The following TPO variants were observed in gnomAD, a reference collection of about 807,000 sequenced individuals.
TPO encodes thyroid microsomal antigen.
Under a neutral mutation model 96.9 loss-of-function variants are expected in TPO, and 78 were observed. The observed-to-expected ratio is 0.81, with a 90% CI of 0.67 to 0.97. TPO has a LOEUF of 0.97. TPO is among the 50% of genes least tolerant of loss of function. The pLI is 0.00. For missense variants in TPO, 1,252 were observed against 1,274.8 expected (o/e 0.98, Z 0.27); for synonymous variants, 547 against 538.0 (o/e 1.02, Z -0.23).
chr2:1,460,542 C>T (rs1016286935), intron 7 of TPO, among the ~76,000 whole-genome samples: 2 of 151,960 alleles, frequency 1.3e-5, no homozygotes, highest in African/African-American at 4.8e-5. Context: ...CCCAGGCTGG[C>T]CTTGTAACTT....
intron 1 of TPO, among the ~76,000 whole-genome samples, chr2:1,407,992 C>T (rs1662271771): frequency 1.3e-5 from 2 of 152,166 alleles, no homozygotes; most frequent in South Asian, 2.1e-4. Flanking sequence ...TGGACTGACA[C>T]GTAATTTGGA....
At chr2:1,524,815 C>T (rs1310734979) in intron 15 of TPO, among the ~76,000 whole-genome samples, 2 of 135,892 alleles carry the variant, frequency 1.5e-5, no homozygotes, top group African/African-American at 5.5e-5. Flanking sequence ...CAACTGTGTG[C>T]CACTTCCCCA....
rs995622961 is a variant in TPO at position 1,472,865 on chromosome 2, T to G, written c.820-4221T>G. Among the ~76,000 whole-genome samples the G allele has an allele frequency of 1.8e-4, 26 of 141,222 alleles. 1 individual carries two copies. The East Asian group carries it at 3.2e-3, about 17-fold the overall frequency. The allele number at this position is 141,222 out of a possible 152,430, so 92.6% of individuals were successfully genotyped here. On this transcript the variant is annotated intron_variant, in intron 7 of 16. Transcript: ENST00000329066. ...AAAAAAAAAAAAGGAGAGAGAGAGA[T>G]ATTTCGTTGTTACATTAGTTGCTTT...
intron 15 of TPO, among the ~76,000 whole-genome samples, chr2:1,523,366 T>A (rs117871665): frequency 2.9e-4 from 30 of 103,748 alleles, no homozygotes; most frequent in African/African-American, 9.3e-4. Flanking sequence ...CCCCACTGTG[T>A]TCAACCTCCC....
At chr2:1,509,744 G>T (rs72490796) in intron 14 of TPO, among the ~76,000 whole-genome samples, 3 of 141,802 alleles carry the variant, frequency 2.1e-5, no homozygotes, top group African/African-American at 8.1e-5. Context: ...CTTGTTTCAG[G>T]GACACCCCAC....
At chr2:1,381,474 G>C (rs1661810924) in intron 1 of TPO, among the ~76,000 whole-genome samples, 1 of 152,096 alleles carries the variant, frequency 6.6e-6, no homozygotes, top group Non-Finnish European at 1.5e-5. Flanking sequence ...CGAGGGGGTG[G>C]TGCCAGATAC....
chr2:1,382,455 C>A (rs547529903), intron 1 of TPO, among the ~76,000 whole-genome samples: 1 of 152,310 alleles, frequency 6.6e-6, no homozygotes, highest in South Asian at 2.1e-4. Context: ...CACTCACTTG[C>A]CTCCATGAAA....
chr2:1,542,155 A>G, intron 16 of TPO: 1 of 579,038 alleles, frequency 1.7e-6, no homozygotes, highest in Non-Finnish European at 3.1e-6. Context: ...CTTCTTCCTG[A>G]AGGACCCTGC....
chr2:1,541,841 A>AT, intron 16 of TPO: 1 of 154,700 alleles, frequency 6.5e-6, no homozygotes, highest in Admixed American at 6.3e-5. Flanking sequence ...GGAGGGGGGC[A>AT]TTGCCAACAT....
chr2:1,382,718 T>A (rs890257133), intron 1 of TPO, among the ~76,000 whole-genome samples: 2 of 152,048 alleles, frequency 1.3e-5, no homozygotes, highest in Non-Finnish European at 2.9e-5. Flanking sequence ...TGCTCTTTCT[T>A]TTTTTTAATA....
intron 7 of TPO, among the ~76,000 whole-genome samples, chr2:1,467,322 C>A (rs1668994399): frequency 6.6e-6 from 1 of 152,084 alleles, no homozygotes; most frequent in Non-Finnish European, 1.5e-5. Context: ...CCAGACTGGT[C>A]TTGAATTCCT....
chr2:1,512,447 C>T, intron 14 of TPO: 1 of 985,470 alleles, frequency 1.0e-6, no homozygotes, highest in Non-Finnish European at 1.2e-6. Context: ...CGGACCAGCG[C>T]CCGTGCTCAG....
intron 7 of TPO, among the ~76,000 whole-genome samples, chr2:1,474,136 T>G (rs1210074301): frequency 6.6e-6 from 1 of 152,232 alleles, no homozygotes; most frequent in Non-Finnish European, 1.5e-5. Context: ...TATTTGTTAT[T>G]GTTTCTACAT....
chr2:1,486,811 G>A (rs1173923498), intron 9 of TPO, among the ~76,000 whole-genome samples: 1 of 152,168 alleles, frequency 6.6e-6, no homozygotes, highest in African/African-American at 2.4e-5. Context: ...GGAGTGGGGA[G>A]GGCAGGGGTG....
At chr2:1,521,470 C>T (rs1345913622) in intron 15 of TPO, among the ~76,000 whole-genome samples, 4 of 152,126 alleles carry the variant, frequency 2.6e-5, no homozygotes, top group Non-Finnish European at 4.4e-5. Flanking sequence ...CCCTCTTCCC[C>T]CAGGACCCTC....
chr2:1,523,526 TCCC>T (rs199635148), intron 15 of TPO, among the ~76,000 whole-genome samples: 3 of 29,642 alleles, frequency 1.0e-4, no homozygotes, highest in African/African-American at 1.3e-4. Flanking sequence ...CCTCCCCAAA[TCCC>T]CCCCACTCTG....
intron 14 of TPO, among the ~76,000 whole-genome samples, chr2:1,514,476 G>A (rs571449298): frequency 2.6e-5 from 4 of 152,140 alleles, no homozygotes; most frequent in Non-Finnish European, 5.9e-5. Flanking sequence ...GCCCAAACCC[G>A]ATGCCGTTTC....
At chr2:1,518,536 C>A (rs985396372) in intron 15 of TPO, among the ~76,000 whole-genome samples, 1 of 152,230 alleles carries the variant, frequency 6.6e-6, no homozygotes, top group Non-Finnish European at 1.5e-5. Flanking sequence ...TTCAGTTATT[C>A]TGCAAGGCCT....
At chr2:1,486,889 G>C (rs1347322491) in intron 9 of TPO, among the ~76,000 whole-genome samples, 1 of 152,126 alleles carries the variant, frequency 6.6e-6, no homozygotes, top group Non-Finnish European at 1.5e-5. Flanking sequence ...AGAGGGGCAA[G>C]GGCCAGCCTG....
Sources: gnomAD v4.1 joint callset for allele counts (sites outside exome capture counted in the v4.1 genomes callset) on GRCh38, gnomAD v4.1.1 for gene constraint, MANE v1.5 for transcripts, NCBI Gene and HGNC (gene_info 2026-07-23, HGNC 2026-07-21) for gene names.